The following PLCXD3 variants were observed in gnomAD, a reference collection of about 807,000 sequenced individuals.
The protein encoded by PLCXD3 is phosphatidylinositol specific phospholipase C X domain containing 3.
Under a neutral mutation model 25.5 loss-of-function variants are expected in PLCXD3, and 19 were observed. The observed-to-expected ratio is 0.75, with a 90% CI of 0.52 to 1.09. The LOEUF is 1.09. Among genes scored for constraint, PLCXD3 ranks in the 50% least tolerant of loss-of-function variants. The pLI, the probability that PLCXD3 is intolerant of heterozygous loss-of-function variation, is 0.00. For synonymous variants in PLCXD3, 174 were observed against 137.6 expected (o/e 1.26, Z -1.85); for missense variants, 411 against 388.1 (o/e 1.06, Z -0.50).
chr5:41,468,984 C>T (rs1748089150), intron 1 of PLCXD3, among the ~76,000 whole-genome samples: 1 of 152,148 alleles, frequency 6.6e-6, no homozygotes, highest in Admixed American at 6.5e-5. Context: ...TTCAAATTTT[C>T]ACCATTGGGA....
At chr5:41,365,506 A>G (rs1744907111) in intron 2 of PLCXD3, among the ~76,000 whole-genome samples, 1 of 152,086 alleles carries the variant, frequency 6.6e-6, no homozygotes, top group Non-Finnish European at 1.5e-5. Context: ...CTCCAAGGAG[A>G]TTGTCCTGTA....
At chr5:41,427,281 C>T (rs1202226909) in intron 1 of PLCXD3, among the ~76,000 whole-genome samples, 4 of 152,092 alleles carry the variant, frequency 2.6e-5, no homozygotes. Context: ...TATTCCATCC[C>T]TTTCCCTCAG....
chr5:41,313,681 C>T lies in PLCXD3; in HGVS notation c.902G>A (p.Gly301Asp), dbSNP rs376544781. ...CTTTATGACAGTGCTGATAAAGTCA[C>T]CAAGTTCTACAAAATCGGCAGTGAC... ...NIVTADFVEL[G>D]DFISTVIKLN... The change falls in exon 3 of 3, where the codon GGT becomes GAT. Residue 301 changes from glycine (G) to aspartate (D), a missense_variant. Transcript: ENST00000377801. The T allele has an allele frequency of 5.5e-5, 89 of 1,613,882 alleles. No individual in the cohort carries two copies. Among genetic ancestry groups the T allele is most frequent in the Middle Eastern group, 1.7e-4 (1 of 6,060 alleles).
chr5:41,381,065 C>T (rs319011), intron 2 of PLCXD3, among the ~76,000 whole-genome samples: 27,141 of 152,072 alleles, frequency 0.18, 3,439 homozygotes, highest in African/African-American at 0.36. Context: ...TTATCATTCA[C>T]TGTTGAAGGG....
At chr5:41,314,527 G>A (rs2150467228) in intron 2 of PLCXD3, among the ~76,000 whole-genome samples, 1 of 152,328 alleles carries the variant, frequency 6.6e-6, no homozygotes, top group African/African-American at 2.4e-5. Flanking sequence ...TGCAGGTAGG[G>A]AGGAGAGATG....
At chr5:41,461,903 A>G (rs1308362560) in intron 1 of PLCXD3, among the ~76,000 whole-genome samples, 1 of 151,942 alleles carries the variant, frequency 6.6e-6, no homozygotes, top group Non-Finnish European at 1.5e-5. Flanking sequence ...AAGAGACTCA[A>G]TTTTAATTTA....
intron 2 of PLCXD3, among the ~76,000 whole-genome samples, chr5:41,345,693 C>T (rs922269503): frequency 1.4e-5 from 2 of 146,964 alleles, no homozygotes; most frequent in African/African-American, 5.4e-5. Context: ...TACACACACA[C>T]ACACACACAC....
rs577482736 is a variant in PLCXD3, at chr5:41,468,116, G to T, written c.103+42308C>A. ...CACTACAACCTCTGCCTCCTGGGTT[G>T]AAGCAATTCTCCTGCCTCAGCCTCC... is the stretch of plus-strand genomic sequence containing the variant. On this transcript the variant is annotated intron_variant, in intron 1 of 2. Coordinates refer to ENST00000377801, the MANE Select transcript of PLCXD3 (RefSeq NM_001005473.3). Among the ~76,000 whole-genome samples the T allele has an allele frequency of 1.1e-3, 162 of 142,716 alleles. 1 individual carries two copies. The highest frequency in any genetic ancestry group is 8.1e-4 in the Admixed American group (11 of 13,642). The allele number at this position is 142,716 out of a possible 152,430, so 93.6% of individuals were successfully genotyped here.
chr5:41,469,062 T>A (rs1469146807), intron 1 of PLCXD3, among the ~76,000 whole-genome samples: 1 of 152,148 alleles, frequency 6.6e-6, no homozygotes, highest in African/African-American at 2.4e-5. Flanking sequence ...TTATAGCTAA[T>A]CTGCTGAGAG....
rs573155077 is a variant in PLCXD3, at chr5:41,510,302, C to A, written c.103+122G>T. 1.0e-5 allele frequency: 9 copies of A among 890,592 alleles called. No individual in the cohort carries two copies. The East Asian group carries it at 2.3e-4, about 22-fold the overall frequency. 55.2% of individuals were successfully genotyped at this position (890,592 alleles called of 1,614,324 possible). A position where few individuals can be genotyped will look rare whatever the true frequency, so the allele number is the denominator to read the frequency against. ...CGCGCTCGCCTGGCCTGAGACCCAC[C>A]CTGGAAGACGAGTTTCCCTCCCGCG... On this transcript the variant is annotated intron_variant, in intron 1 of 2. Transcript: ENST00000377801.
intron 1 of PLCXD3, among the ~76,000 whole-genome samples, chr5:41,386,770 A>C (rs1252844010): frequency 5.9e-5 from 9 of 152,078 alleles, no homozygotes; most frequent in Admixed American, 5.9e-4. Flanking sequence ...ATTTAAACTG[A>C]CAGCATCTGA....
chr5:41,313,586 ATCT>A lies in PLCXD3; in HGVS notation c.*28_*30del. On this transcript the variant is annotated 3_prime_UTR_variant, in exon 3 of 3. Transcript: ENST00000377801. ...TGCCCTAATACAATGAGCTTTCTCC[ATCT>A]TATTCATGGAAACTCCAAGTAGTGC... The A allele has an allele frequency of 6.2e-7, 1 of 1,612,910 alleles. No homozygotes were observed. The highest frequency in any genetic ancestry group is 1.1e-5 in the South Asian group (1 of 91,054).
chr5:41,440,654 T>TGG (rs2150511486), intron 1 of PLCXD3, among the ~76,000 whole-genome samples: 1 of 152,310 alleles, frequency 6.6e-6, no homozygotes, highest in South Asian at 2.1e-4. Context: ...GAGGAGTGTG[T>TGG]GGCATATAAT....
At chr5:41,501,518 G>A (rs1339582580) in intron 1 of PLCXD3, among the ~76,000 whole-genome samples, 1 of 151,996 alleles carries the variant, frequency 6.6e-6, no homozygotes, top group Admixed American at 6.6e-5. Flanking sequence ...TGGAATGCTG[G>A]TTGCCAGAGG....
chr5:41,503,021 G>GT (rs1370103558), intron 1 of PLCXD3, among the ~76,000 whole-genome samples: 5 of 152,138 alleles, frequency 3.3e-5, no homozygotes, highest in African/African-American at 1.2e-4. Context: ...TCACATAGGT[G>GT]TGTGTTTAGG....
chr5:41,472,822 T>C (rs1335662549), intron 1 of PLCXD3, among the ~76,000 whole-genome samples: 1 of 152,210 alleles, frequency 6.6e-6, no homozygotes, highest in Non-Finnish European at 1.5e-5. Flanking sequence ...AGACAGATCA[T>C]TGTAGGTACT....
intron 1 of PLCXD3, among the ~76,000 whole-genome samples, chr5:41,481,855 A>G (rs1360348920): frequency 6.6e-6 from 1 of 152,216 alleles, no homozygotes; most frequent in East Asian, 1.9e-4. Context: ...GCCCTGTGAA[A>G]CGTGAATTAG....
intron 2 of PLCXD3, among the ~76,000 whole-genome samples, chr5:41,324,646 T>C (rs937496855): frequency 3.9e-5 from 6 of 152,216 alleles, no homozygotes; most frequent in Non-Finnish European, 8.8e-5. Flanking sequence ...GAACGACAGA[T>C]ACTGTGACAG....
chr5:41,493,120 C>G (rs1279076678), intron 1 of PLCXD3, among the ~76,000 whole-genome samples: 1 of 152,122 alleles, frequency 6.6e-6, no homozygotes, highest in Non-Finnish European at 1.5e-5. Context: ...GTGTGGATGT[C>G]CTTTCTGTTT....
Sources: gnomAD v4.1 joint callset for allele counts (sites outside exome capture counted in the v4.1 genomes callset) on GRCh38, gnomAD v4.1.1 for gene constraint, MANE v1.5 for transcripts, NCBI Gene and HGNC (gene_info 2026-07-23, HGNC 2026-07-21) for gene names.